GPHN: variants seen among roughly 807,000 people sequenced by gnomAD.
GPHN encodes the protein gephyrin.
GPHN carries 17 observed loss-of-function variants against 95.5 expected under a neutral mutation model. The observed-to-expected ratio is 0.18, with a 90% CI of 0.12 to 0.27. The LOEUF is 0.27. Ranked by LOEUF, GPHN falls within the 10% of genes least tolerant of loss-of-function variation. The probability of loss-of-function intolerance (pLI) is 1.00; values close to 1 mark genes in which losing one functional copy is unlikely to be tolerated. For missense variants in GPHN, 660 were observed against 978.1 expected (o/e 0.67, Z 4.34); for synonymous variants, 320 against 322.5 (o/e 0.99, Z 0.08).
chr14:67,488,249 C>G, the GPHN span, among the ~76,000 whole-genome samples: 1 of 152,256 alleles, frequency 6.6e-6, no homozygotes, highest in East Asian at 1.9e-4. Flanking sequence ...ACCAGGGTCT[C>G]TGAGTAGAGG....
At chr14:67,019,390 A>T (rs2073483106) in intron 9 of GPHN, among the ~76,000 whole-genome samples, 1 of 152,148 alleles carries the variant, frequency 6.6e-6, no homozygotes, top group South Asian at 2.1e-4. Context: ...TTCAAAGAAG[A>T]TGACTTATTT....
At chr14:66,639,798 T>C (rs1414058455) in intron 1 of GPHN, among the ~76,000 whole-genome samples, 4 of 152,080 alleles carry the variant, frequency 2.6e-5, no homozygotes, top group African/African-American at 9.7e-5. Context: ...TTTATATATC[T>C]AAATTGATTT....
Position 67,058,692 on chromosome 14 carries a change from C to G in GPHN, c.1050C>G (p.Arg350=). The G allele has an allele frequency of 6.2e-7, 1 of 1,610,798 alleles. No individual in the cohort carries two copies. The highest frequency in any genetic ancestry group is 8.5e-7 in the Non-Finnish European group (1 of 1,176,938). The part of the protein sequence containing the change: ...VDITKVARRH[R]MSPFPLTSMD... ...TCACCAAGGTGGCTAGAAGACATCGCATGTCTCCTTTTCCTCTGACATCTA... is the reference window on the plus strand; with the variant it reads ...TCACCAAGGTGGCTAGAAGACATCGGATGTCTCCTTTTCCTCTGACATCTA... The change falls in exon 11 of 23, where the codon CGC becomes CGG. Residue 350 remains arginine (R), a synonymous_variant. Coordinates refer to ENST00000478722, the MANE Select transcript of GPHN (RefSeq NM_020806.5).
chr14:67,387,464 G>GA, the GPHN span: 17 of 1,590,692 alleles, frequency 1.1e-5, no homozygotes, highest in East Asian at 2.3e-5. Context: ...CCCCTAGGCA[G>GA]AAAAAAGGGG....
chr14:67,171,917 C>A (rs1462039996), intron 21 of GPHN, among the ~76,000 whole-genome samples: 1 of 152,126 alleles, frequency 6.6e-6, no homozygotes, highest in Non-Finnish European at 1.5e-5. Context: ...ACTTTGGACA[C>A]CTACAGACCT....
At chr14:67,395,479 A>G in the GPHN span, 4 of 1,613,970 alleles carry the variant, frequency 2.5e-6, no homozygotes, top group South Asian at 1.1e-5. Context: ...GCTGCCCTGC[A>G]TGAATAGCCC....
At chr14:67,627,076 G>C in the GPHN span, among the ~76,000 whole-genome samples, 1 of 152,114 alleles carries the variant, frequency 6.6e-6, no homozygotes, top group East Asian at 1.9e-4. Context: ...GACTGCTAAA[G>C]GGCATGGGTT....
intron 1 of GPHN, among the ~76,000 whole-genome samples, chr14:66,545,906 G>A (rs1162563360): frequency 1.4e-4 from 21 of 151,686 alleles, no homozygotes; most frequent in Admixed American, 1.2e-3. Flanking sequence ...CTGGCCTAGC[G>A]GTGGGTGACC....
chr14:66,605,290 G>A (rs2140883835), intron 1 of GPHN, among the ~76,000 whole-genome samples: 1 of 152,108 alleles, frequency 6.6e-6, no homozygotes, highest in South Asian at 2.1e-4. Context: ...TTTCCACAGT[G>A]GCTGAACTAA....
At chr14:67,208,026 C>T in the GPHN span, 12 of 467,262 alleles carry the variant, frequency 2.6e-5, no homozygotes, top group Non-Finnish European at 2.8e-5. Flanking sequence ...GCCGCCAACA[C>T]ACCCGGGGCT....
chr14:66,964,386 A>C (rs757124107), intron 8 of GPHN, among the ~76,000 whole-genome samples: 5 of 152,188 alleles, frequency 3.3e-5, no homozygotes, highest in Non-Finnish European at 5.9e-5. Flanking sequence ...AGGTATATCC[A>C]TCAGGATCCT....
intron 1 of GPHN, among the ~76,000 whole-genome samples, chr14:66,662,130 T>G (rs1341947159): frequency 6.6e-6 from 1 of 152,272 alleles, no homozygotes; most frequent in South Asian, 2.1e-4. Flanking sequence ...GCAGAAGTGG[T>G]ACACCCACAC....
the GPHN span, among the ~76,000 whole-genome samples, chr14:67,507,860 T>A: frequency 6.6e-6 from 1 of 152,084 alleles, no homozygotes; most frequent in African/African-American, 2.4e-5. Flanking sequence ...ATGACTGGGC[T>A]GGGCATGTTG....
At chr14:67,062,927 T>C (rs909852254) in intron 11 of GPHN, among the ~76,000 whole-genome samples, 1 of 152,244 alleles carries the variant, frequency 6.6e-6, no homozygotes, top group Admixed American at 6.5e-5. Flanking sequence ...TTAGTTTAAT[T>C]AGATCCCATT....
chr14:67,055,406 C>T (rs2075512671), intron 10 of GPHN, among the ~76,000 whole-genome samples: 2 of 152,136 alleles, frequency 1.3e-5, no homozygotes, highest in Non-Finnish European at 2.9e-5. Flanking sequence ...ATTAAAAAGT[C>T]AAGAAACAAC....
intron 1 of GPHN, among the ~76,000 whole-genome samples, chr14:66,546,796 A>G (rs1421806701): frequency 1.3e-4 from 5 of 38,582 alleles, no homozygotes; most frequent in East Asian, 6.3e-4. Flanking sequence ...GGGGAGAGGG[A>G]GAGGGGGAGG....
chr14:67,671,995 C>T, the GPHN span, among the ~76,000 whole-genome samples: 15 of 152,290 alleles, frequency 9.8e-5, no homozygotes, highest in South Asian at 2.9e-3. Flanking sequence ...TAGAGGGGGA[C>T]ATTCAAACCA....
At chr14:66,782,084 C>A (rs976191244) in intron 3 of GPHN, among the ~76,000 whole-genome samples, 1 of 151,936 alleles carries the variant, frequency 6.6e-6, no homozygotes, top group Non-Finnish European at 1.5e-5. Context: ...TAAATTGATA[C>A]AATATTTTTA....
At chr14:67,583,192 A>G in the GPHN span, among the ~76,000 whole-genome samples, 5 of 152,246 alleles carry the variant, frequency 3.3e-5, no homozygotes, top group Admixed American at 2.0e-4. Flanking sequence ...GTTGATCTTT[A>G]TAAATATCAA....
Sources: allele counts gnomAD v4.1 joint callset (sites outside exome capture counted in the v4.1 genomes callset), GRCh38; gene constraint gnomAD v4.1.1; transcripts MANE v1.5; gene names NCBI Gene and HGNC (gene_info 2026-07-23, HGNC 2026-07-21).